The following GALNT11 variants were observed in gnomAD, a reference collection of about 807,000 sequenced individuals.
The protein encoded by GALNT11 is polypeptide N-acetylgalactosaminyltransferase 11.
GALNT11 carries 47 observed loss-of-function variants against 72.7 expected under a neutral mutation model. The ratio of observed to expected loss-of-function variants is 0.65; its 90% CI spans 0.51 to 0.82. The LOEUF is 0.82. Ranked by LOEUF, GALNT11 falls within the 40% of genes least tolerant of loss-of-function variation. GALNT11 has a pLI of 0.00. For missense variants in GALNT11, 677 were observed against 778.4 expected (o/e 0.87, Z 1.55); for synonymous variants, 270 against 286.6 (o/e 0.94, Z 0.58).
chr7:152,107,945 A>T, intron 5 of GALNT11, 93 bp from the exon 6 acceptor site: 1 of 1,448,516 alleles, frequency 6.9e-7, no homozygotes. Context: ...GTCGTGTTTC[A>T]TGCTGTGTCA....
At chr7:152,043,827 A>G (rs1184253759) in intron 1 of GALNT11, among the ~76,000 whole-genome samples, 15 of 152,148 alleles carry the variant, frequency 9.9e-5, no homozygotes, top group Non-Finnish European at 1.5e-5. Context: ...TTACTTCATT[A>G]TACTCTCCTT....
chr7:152,099,535 T>TG (rs2086649834), intron 2 of GALNT11, among the ~76,000 whole-genome samples: 2 of 126,332 alleles, frequency 1.6e-5, no homozygotes, highest in Admixed American at 7.9e-5. Context: ...GCCTAGTTTT[T>TG]TTTTTTTTTT....
intron 1 of GALNT11, among the ~76,000 whole-genome samples, chr7:152,080,514 A>ATATAGTGTAGAAAGTG (rs2085256733): frequency 6.6e-6 from 1 of 152,208 alleles, no homozygotes; most frequent in African/African-American, 2.4e-5. Flanking sequence ...CAAAAGCAGT[A>ATATAGTGTAGAAAGTG]TAGCATTTTG....
At chr7:152,051,398 A>G (rs987527586) in intron 1 of GALNT11, among the ~76,000 whole-genome samples, 1 of 151,968 alleles carries the variant, frequency 6.6e-6, no homozygotes, top group African/African-American at 2.4e-5. Context: ...ATAGAAAAAT[A>G]TCAAGGCCCC....
Position 152,118,710 on chromosome 7 carries a change from G to A in GALNT11, c.1485G>A (p.Val495=), listed in dbSNP as rs2089131210. 1 of 1,610,300 alleles carries A rather than the reference G, an allele frequency of 6.2e-7. No individual in the cohort carries two copies. The highest frequency in any genetic ancestry group is 2.2e-5 in the East Asian group (1 of 44,570). ...ACCTCCAGACCAACAAATGCCTGGT[G>A]GCCCAGGGCCGCCCAAGTCAGAAGG... ...LYHLQTNKCL[V]AQGRPSQKGG... Residue 495 remains valine, a synonymous_variant, in exon 10 of 12, where the codon GTG becomes GTA. Coordinates refer to ENST00000430044, the MANE Select transcript of GALNT11 (RefSeq NM_022087.4).
At chr7:152,070,570 C>T (rs754731546) in intron 1 of GALNT11, among the ~76,000 whole-genome samples, 7 of 152,166 alleles carry the variant, frequency 4.6e-5, no homozygotes, top group Non-Finnish European at 1.0e-4. Flanking sequence ...AGCAGTAGGT[C>T]AAGTTCTTCT....
rs199540849 is a variant in GALNT11 at position 152,121,723 on chromosome 7, G to A, written c.*46G>A. Reference sequence around the variant, plus strand: ...CGTTGCTTCATCAGGCGTTGCCTCCGGTGTGGAGTTTGGGGCTTTAGGAAA... The same window carrying A: ...CGTTGCTTCATCAGGCGTTGCCTCCAGTGTGGAGTTTGGGGCTTTAGGAAA... On this transcript the variant is annotated 3_prime_UTR_variant, in exon 12 of 12. Coordinates refer to ENST00000430044, the MANE Select transcript of GALNT11 (RefSeq NM_022087.4). 2.3e-5 allele frequency: 36 copies of A among 1,591,942 alleles called. No individual in the cohort carries two copies. The highest frequency in any genetic ancestry group is 1.2e-4 in the South Asian group (11 of 88,404).
Position 152,094,129 on chromosome 7 carries a change from G to A in GALNT11, c.-38-61G>A, listed in dbSNP as rs112398929. 1.5e-6 allele frequency: 2 copies of A among 1,360,344 alleles called. No homozygotes were observed. Among genetic ancestry groups the A allele is most frequent in the Admixed American group, 2.3e-5 (1 of 43,270 alleles). 84.3% of individuals were successfully genotyped at this position (1,360,344 alleles called of 1,614,324 possible). The stretch of plus-strand genomic sequence containing the variant: ...TGGTGGTTTGGAAAACAGTGATTCT[G>A]TATTTGGTGGATGGTTTAAAGTATA... On this transcript the variant is annotated intron_variant, in intron 1 of 11. Coordinates refer to ENST00000430044, the MANE Select transcript of GALNT11 (RefSeq NM_022087.4). This position sits in a 1 kb window ranked among gnomAD's most constrained non-coding sequence, Gnocchi z 4.3.
chr7:152,033,636 T>A (rs2082412607), intron 1 of GALNT11, among the ~76,000 whole-genome samples: 1 of 152,236 alleles, frequency 6.6e-6, no homozygotes, highest in Admixed American at 6.5e-5. Context: ...AAGGATTTTC[T>A]TCCTTTCCTT....
intron 1 of GALNT11, among the ~76,000 whole-genome samples, chr7:152,055,567 G>GTGTATA (rs1207098407): frequency 8.3e-6 from 1 of 120,354 alleles, no homozygotes; most frequent in African/African-American, 3.1e-5. Context: ...GTGTGTGTGT[G>GTGTATA]TATATATACA....
chr7:152,047,700 G>A (rs975294622), intron 1 of GALNT11, among the ~76,000 whole-genome samples: 1 of 151,826 alleles, frequency 6.6e-6, no homozygotes, highest in Non-Finnish European at 1.5e-5. Flanking sequence ...GTGTGTGTGT[G>A]TGTGTGTGTG....
intron 1 of GALNT11, among the ~76,000 whole-genome samples, chr7:152,052,807 A>G (rs889645119): frequency 4.6e-5 from 7 of 152,234 alleles, no homozygotes; most frequent in Admixed American, 2.6e-4. Flanking sequence ...TGTCAGGCCT[A>G]CATTTGAACT....
intron 5 of GALNT11, among the ~76,000 whole-genome samples, chr7:152,106,962 C>T (rs916820632): frequency 1.3e-5 from 2 of 152,206 alleles, no homozygotes; most frequent in African/African-American, 4.8e-5. Flanking sequence ...TGCCTTTCTG[C>T]ATTAAGTGAC....
At chr7:152,108,419 T>TTGAG in intron 6 of GALNT11, 132 bp downstream of exon 6, 1 of 1,355,310 alleles carries the variant, frequency 7.4e-7, no homozygotes. Flanking sequence ...TTAAAAATTC[T>TTGAG]TGAGTACGTA....
intron 10 of GALNT11, 67 bp from the exon 11 acceptor site, chr7:152,120,764 G>A: frequency 7.5e-7 from 1 of 1,335,092 alleles, no homozygotes; most frequent in East Asian, 2.3e-5. Context: ...ATATGTGGAA[G>A]AATATGCAAA....
intron 2 of GALNT11, among the ~76,000 whole-genome samples, chr7:152,095,528 G>C (rs146021836): frequency 0.019 from 2,885 of 152,194 alleles, 44 homozygotes; most frequent in African/African-American, 0.041. Context: ...GAAGTCAAAA[G>C]TATGTAAAAT....
At chr7:152,099,342 TTTTA>T (rs143805862) in intron 2 of GALNT11, among the ~76,000 whole-genome samples, 2,688 of 143,622 alleles carry the variant, frequency 0.019, 40 homozygotes, top group African/African-American at 0.046. Context: ...AAAAATGGAC[TTTTA>T]TTTATTTATT....
chr7:152,060,244 A>G (rs2083921921), intron 1 of GALNT11, among the ~76,000 whole-genome samples: 1 of 152,238 alleles, frequency 6.6e-6, no homozygotes, highest in South Asian at 2.1e-4. Flanking sequence ...ACTGGTTTAA[A>G]GGAATATTTT....
Position 152,103,295 on chromosome 7 carries a change from C to T in GALNT11, c.586+17C>T. ...GTGACTTTGGTAAGGAATGCTGCAC[C>T]TGGTAACATTGGATCCAGGCTGTCA... On this transcript the variant is annotated intron_variant, in intron 4 of 11. Coordinates refer to ENST00000430044, the MANE Select transcript of GALNT11 (RefSeq NM_022087.4). 1 of 1,607,586 alleles carries T rather than the reference C, an allele frequency of 6.2e-7. No homozygotes were observed. Among genetic ancestry groups the T allele is most frequent in the Non-Finnish European group, 8.5e-7 (1 of 1,175,190 alleles).
Sources: gnomAD v4.1 joint callset for allele counts (sites outside exome capture counted in the v4.1 genomes callset) on GRCh38, gnomAD v4.1.1 for gene constraint, Gnocchi (gnomAD v3.1) non-coding constraint, MANE v1.5 for transcripts, NCBI Gene and HGNC (gene_info 2026-07-23, HGNC 2026-07-21) for gene names.